GRIN3A: variants seen among roughly 807,000 people sequenced by gnomAD.
The protein encoded by GRIN3A is glutamate ionotropic receptor NMDA type subunit 3A, also known as glutamate receptor ionotropic, NMDA 3A.
A neutral mutation model predicts 92.4 loss-of-function variants in GRIN3A; 47 were observed. The observed-to-expected ratio is 0.51, with a 90% confidence interval of 0.40 to 0.65. The LOEUF (loss-of-function observed/expected upper bound fraction) is 0.65. Among genes scored for constraint, GRIN3A ranks in the 30% least tolerant of loss-of-function variants. The probability of loss-of-function intolerance (pLI) is 0.00; values close to 1 mark genes in which losing one functional copy is unlikely to be tolerated. For missense variants in GRIN3A, 1,324 were observed against 1,393.1 expected (o/e 0.95, Z 0.79); for synonymous variants, 527 against 540.6 (o/e 0.97, Z 0.35).
At chr9:101,666,725 G>C (rs1340761960) in intron 3 of GRIN3A, among the ~76,000 whole-genome samples, 1 of 152,020 alleles carries the variant, frequency 6.6e-6, no homozygotes, top group African/African-American at 2.4e-5. Flanking sequence ...GTGCTTCCTT[G>C]AATGTACCAG....
chr9:101,715,441 A>T (rs1829932199), intron 1 of GRIN3A, among the ~76,000 whole-genome samples: 1 of 152,162 alleles, frequency 6.6e-6, no homozygotes, highest in Admixed American at 6.5e-5. Flanking sequence ...GAGCATCTTA[A>T]GGCTAGGAGT....
intron 3 of GRIN3A, among the ~76,000 whole-genome samples, chr9:101,659,938 T>G (rs1232208175): frequency 6.6e-6 from 1 of 151,876 alleles, no homozygotes; most frequent in African/African-American, 2.4e-5. Context: ...TTTGTTCAGT[T>G]TTTGACTTAT....
chr9:101,643,990 T>C (rs1485334500), intron 3 of GRIN3A, among the ~76,000 whole-genome samples: 1 of 151,680 alleles, frequency 6.6e-6, no homozygotes, highest in Non-Finnish European at 1.5e-5. Flanking sequence ...TAGTATATGG[T>C]ATATATAAAA....
intron 1 of GRIN3A, among the ~76,000 whole-genome samples, chr9:101,705,901 C>T (rs1814458769): frequency 6.6e-6 from 1 of 152,162 alleles, no homozygotes; most frequent in Non-Finnish European, 1.5e-5. Flanking sequence ...AAACTAAAAC[C>T]ACACCACTGT....
intron 5 of GRIN3A, among the ~76,000 whole-genome samples, chr9:101,614,980 T>C (rs901372791): frequency 2.0e-5 from 3 of 152,020 alleles, no homozygotes; most frequent in Non-Finnish European, 4.4e-5. Flanking sequence ...GTGGTGGTAA[T>C]GCAGGGCAAG....
At chr9:101,645,951 G>C (rs1828932566) in intron 3 of GRIN3A, among the ~76,000 whole-genome samples, 1 of 151,488 alleles carries the variant, frequency 6.6e-6, no homozygotes, top group Non-Finnish European at 1.5e-5. Context: ...AATTGTTTGA[G>C]ATCCTTTTAT....
intron 1 of GRIN3A, among the ~76,000 whole-genome samples, chr9:101,700,159 T>C (rs1304215519): frequency 6.6e-6 from 1 of 152,180 alleles, no homozygotes; most frequent in Non-Finnish European, 1.5e-5. Flanking sequence ...CTGTTTTATA[T>C]AGTAAAATTC....
chr9:101,570,347 A>G lies in GRIN3A; in HGVS notation c.*2827T>C. 6.6e-6 allele frequency: 1 copy of G among 152,498 alleles called. No individual in the cohort carries two copies. Among genetic ancestry groups the G allele is most frequent in the African/African-American group, 2.4e-5 (1 of 41,400 alleles). 9.4% of individuals were successfully genotyped at this position (152,498 alleles called of 1,614,324 possible). On this transcript the variant is annotated 3_prime_UTR_variant, in exon 9 of 9. Transcript: ENST00000361820. ...TTGTGTTTTTTTTGAGCCTCAAAGG[A>G]GTTGAAAGAACAGAGGCAGAGCTGA...
chr9:101,671,167 A>G (rs1736223132), intron 2 of GRIN3A, 60 bp from the exon 3 acceptor site: 3 of 1,135,578 alleles, frequency 2.6e-6, no homozygotes, highest in Non-Finnish European at 4.0e-6. Flanking sequence ...GATAGGAAGC[A>G]GTGTTCAGCT....
intron 5 of GRIN3A, among the ~76,000 whole-genome samples, chr9:101,617,979 A>T (rs907532019): frequency 1.3e-5 from 2 of 152,022 alleles, no homozygotes; most frequent in African/African-American, 2.4e-5. Context: ...ACATGAACTC[A>T]TCATTTTTTA....
In GRIN3A at chr9:101,686,905, A is replaced by G; in HGVS notation, c.995T>C (p.Met332Thr). 1 of 1,614,204 alleles carries G rather than the reference A, an allele frequency of 6.2e-7. No individual in the cohort carries two copies. The highest frequency in any genetic ancestry group is 8.5e-7 in the Non-Finnish European group (1 of 1,180,044). Residue 332 changes from methionine to threonine, a missense_variant, in exon 2 of 9, where the codon ATG becomes ACG. Physicochemically the swap from Met to Thr is moderately conservative, Grantham distance 81 (BLOSUM62 -1). Coordinates refer to ENST00000361820, the MANE Select transcript of GRIN3A (RefSeq NM_133445.3). ...TTCGAAAATCCGCCGGATACTTTCC[A>G]TGTCGCAGCCAAACATCACCACTGT... ...TPTVVMFGCD[M>T]ESIRRIFEIT...
intron 3 of GRIN3A, among the ~76,000 whole-genome samples, chr9:101,657,034 A>G (rs553442642): frequency 6.1e-4 from 92 of 152,054 alleles, no homozygotes; most frequent in African/African-American, 2.1e-3. Flanking sequence ...TAACCCATAT[A>G]GAAAACAGGA....
At chr9:101,711,826 G>A (rs1829882651) in intron 1 of GRIN3A, among the ~76,000 whole-genome samples, 1 of 152,164 alleles carries the variant, frequency 6.6e-6, no homozygotes, top group Non-Finnish European at 1.5e-5. Context: ...AAGGCTCCAA[G>A]TCTCGACTTT....
intron 4 of GRIN3A, among the ~76,000 whole-genome samples, chr9:101,626,252 T>A (rs993834330): frequency 5.3e-5 from 8 of 152,178 alleles, no homozygotes; most frequent in African/African-American, 1.7e-4. Flanking sequence ...CATATTAACA[T>A]AATAAAAGGA....
intron 3 of GRIN3A, among the ~76,000 whole-genome samples, chr9:101,629,288 C>T (rs1004589819): frequency 7.2e-5 from 11 of 152,064 alleles, no homozygotes; most frequent in African/African-American, 1.4e-4. Flanking sequence ...CACACACATA[C>T]GCACATGCAC....
At chr9:101,688,896 A>G (rs1426944807) in intron 1 of GRIN3A, among the ~76,000 whole-genome samples, 1 of 152,132 alleles carries the variant, frequency 6.6e-6, no homozygotes. Flanking sequence ...AATAAAAAGG[A>G]TTTAGTGACA....
At chr9:101,696,594 T>C (rs1443054785) in intron 1 of GRIN3A, among the ~76,000 whole-genome samples, 1 of 152,134 alleles carries the variant, frequency 6.6e-6, no homozygotes, top group Non-Finnish European at 1.5e-5. Context: ...ACAAGATAAT[T>C]AAAATTTATT....
At chr9:101,617,127 G>T (rs1283606669) in intron 5 of GRIN3A, among the ~76,000 whole-genome samples, 1 of 147,662 alleles carries the variant, frequency 6.8e-6, no homozygotes, top group Non-Finnish European at 1.5e-5. Context: ...GTGAACCCGG[G>T]AAGCGGAGCT....
chr9:101,578,011 AAC>A (rs1451456501), intron 7 of GRIN3A, among the ~76,000 whole-genome samples, 167 bp from the exon 8 acceptor site: 1 of 152,212 alleles, frequency 6.6e-6, no homozygotes, highest in African/African-American at 2.4e-5. Flanking sequence ...CTCAAATCTC[AAC>A]AGAACAAAAA....
Sources: allele counts gnomAD v4.1 joint callset (sites outside exome capture counted in the v4.1 genomes callset), GRCh38; gene constraint gnomAD v4.1.1; transcripts MANE v1.5; gene names NCBI Gene and HGNC (gene_info 2026-07-23, HGNC 2026-07-21).